The following CDKAL1 variants were observed in gnomAD, a reference collection of about 807,000 sequenced individuals.
CDKAL1 encodes the protein CDKAL1 threonylcarbamoyladenosine tRNA methylthiotransferase.
A neutral mutation model predicts 68.2 loss-of-function variants in CDKAL1; 32 were observed. The observed-to-expected ratio is 0.47, with a 90% CI of 0.35 to 0.63. The LOEUF is 0.63. CDKAL1 is among the 30% of genes least tolerant of loss of function. The pLI, the probability that CDKAL1 is intolerant of heterozygous loss-of-function variation, is 0.00. For missense variants in CDKAL1, 606 were observed against 696.7 expected (o/e 0.87, Z 1.47); for synonymous variants, 234 against 244.3 (o/e 0.96, Z 0.39).
intron 9 of CDKAL1, among the ~76,000 whole-genome samples, chr6:20,863,918 C>T (rs141473241): frequency 0.011 from 1,734 of 152,212 alleles, 35 homozygotes; most frequent in Admixed American, 0.035. Context: ...GCTTTTCAGA[C>T]TTGAAATAAC....
chr6:20,537,886 CCTCTATCA>C (rs1763237625), intron 2 of CDKAL1, among the ~76,000 whole-genome samples: 1 of 47,722 alleles, frequency 2.1e-5, no homozygotes, highest in Non-Finnish European at 3.5e-5. Flanking sequence ...TAAACAATTC[CCTCTATCA>C]GTCTATCAGT....
intron 4 of CDKAL1, among the ~76,000 whole-genome samples, chr6:20,576,895 C>A (rs927426685): frequency 6.6e-6 from 1 of 152,110 alleles, no homozygotes; most frequent in African/African-American, 2.4e-5. Context: ...TTTATTTTCT[C>A]TATATGGCAC....
At chr6:21,066,565 T>C (rs1040901061) in intron 12 of CDKAL1, among the ~76,000 whole-genome samples, 1 of 152,210 alleles carries the variant, frequency 6.6e-6, no homozygotes, top group Non-Finnish European at 1.5e-5. Context: ...AATCAAGATA[T>C]AGAACAATTC....
At chr6:20,764,851 A>G (rs1023609364) in intron 7 of CDKAL1, among the ~76,000 whole-genome samples, 2 of 152,186 alleles carry the variant, frequency 1.3e-5, no homozygotes, top group East Asian at 3.9e-4. Context: ...GAACACTTGT[A>G]TGCATCCTCT....
chr6:20,905,751 A>C (rs1762202625), intron 9 of CDKAL1, among the ~76,000 whole-genome samples: 1 of 152,220 alleles, frequency 6.6e-6, no homozygotes, highest in Non-Finnish European at 1.5e-5. Flanking sequence ...TCTCCTCAGA[A>C]ACCTTGGAGC....
chr6:20,558,672 T>G (rs1764154508), intron 4 of CDKAL1: 1 of 446,030 alleles, frequency 2.2e-6, no homozygotes, highest in African/African-American at 2.0e-5. Flanking sequence ...TCCATGTTGT[T>G]GAGGAAAATA....
rs572648660 is a variant in CDKAL1 at position 20,536,550 on chromosome 6, C to A, written c.-6+1156C>A. Among the ~76,000 whole-genome samples, 7 of 152,162 alleles carry A rather than the reference C, an allele frequency of 4.6e-5. No individual in the cohort carries two copies. The South Asian group carries it at 1.5e-3, about 32-fold the overall frequency. On this transcript the variant is annotated intron_variant, in intron 2 of 15. Transcript: ENST00000274695. ...GTCTAGGTTATGTATATTTGACATA[C>A]ATTCTAGGTGGTTTTTATGAAAGAA... is the stretch of plus-strand genomic sequence containing the variant.
intron 8 of CDKAL1, among the ~76,000 whole-genome samples, chr6:20,838,869 G>A (rs1778063770): frequency 6.6e-6 from 1 of 151,934 alleles, no homozygotes; most frequent in South Asian, 2.1e-4. Context: ...CAGCTACTTG[G>A]GAGGCTGAGG....
At chr6:21,212,838 A>G (rs930207059) in intron 15 of CDKAL1, among the ~76,000 whole-genome samples, 10 of 152,214 alleles carry the variant, frequency 6.6e-5, no homozygotes, top group African/African-American at 2.2e-4. Flanking sequence ...ATGCAATTCT[A>G]TAAAATTATT....
chr6:21,105,965 T>C (rs553710323), intron 12 of CDKAL1, among the ~76,000 whole-genome samples: 135 of 152,322 alleles, frequency 8.9e-4, no homozygotes, highest in African/African-American at 3.0e-3. Context: ...AAGAGAGAAA[T>C]TCTTAAGAAT....
intron 5 of CDKAL1, among the ~76,000 whole-genome samples, chr6:20,652,255 C>T (rs1435052221): frequency 6.6e-6 from 1 of 152,116 alleles, no homozygotes. Flanking sequence ...TAAGTGTTAA[C>T]TATGTGTTCT....
intron 5 of CDKAL1, among the ~76,000 whole-genome samples, chr6:20,655,808 C>G (rs1018272143): frequency 6.6e-5 from 10 of 152,074 alleles, no homozygotes; most frequent in African/African-American, 2.4e-4. Context: ...ACTCTAAGGT[C>G]TCTGGCTAGA....
At chr6:21,090,522 C>G (rs905695160) in intron 12 of CDKAL1, among the ~76,000 whole-genome samples, 1 of 152,186 alleles carries the variant, frequency 6.6e-6, no homozygotes, top group Non-Finnish European at 1.5e-5. Flanking sequence ...TCATAATTCC[C>G]TTTGCTGATA....
At chr6:20,550,577 G>A (rs1461079480) in intron 4 of CDKAL1, among the ~76,000 whole-genome samples, 1 of 152,036 alleles carries the variant, frequency 6.6e-6, no homozygotes, top group Non-Finnish European at 1.5e-5. Flanking sequence ...TTAGAAAAGG[G>A]GATCTGGGCA....
chr6:21,092,176 G>A (rs1773064316), intron 12 of CDKAL1, among the ~76,000 whole-genome samples: 1 of 146,258 alleles, frequency 6.8e-6, no homozygotes, highest in South Asian at 2.2e-4. Context: ...GTGAGCCACT[G>A]CGCCTGGCCA....
intron 15 of CDKAL1, among the ~76,000 whole-genome samples, chr6:21,211,697 TAAG>T (rs1779155639): frequency 6.6e-6 from 1 of 152,206 alleles, no homozygotes; most frequent in African/African-American, 2.4e-5. Context: ...TTTGTTTTAA[TAAG>T]AAGGAGAAGA....
chr6:21,012,043 C>G lies in CDKAL1; in HGVS notation c.1055+11671C>G, dbSNP rs189627472. On this transcript the variant is annotated intron_variant, in intron 11 of 15. Transcript: ENST00000274695. ...TGTCAGAGATGTAGGATTGAACTTT[C>G]ATCTCATGGTCAAAGATGGCTGCTT... Among the ~76,000 whole-genome samples the G allele has an allele frequency of 5.8e-4, 89 of 152,286 alleles. 1 individual carries two copies. The highest frequency in any genetic ancestry group is 2.1e-3 in the African/African-American group (87 of 41,552).
intron 9 of CDKAL1, among the ~76,000 whole-genome samples, chr6:20,950,946 G>T (rs1764494561): frequency 6.6e-6 from 1 of 150,970 alleles, no homozygotes; most frequent in South Asian, 2.1e-4. Context: ...CTCCAGCCTG[G>T]GTGACAGAGT....
At chr6:20,664,247 C>T (rs895787503) in intron 5 of CDKAL1, among the ~76,000 whole-genome samples, 2 of 152,064 alleles carry the variant, frequency 1.3e-5, no homozygotes, top group African/African-American at 2.4e-5. Flanking sequence ...TGTGCTCGCA[C>T]GCTCAATGTA....
Sources: allele counts gnomAD v4.1 joint callset (sites outside exome capture counted in the v4.1 genomes callset), GRCh38; gene constraint gnomAD v4.1.1; transcripts MANE v1.5; gene names NCBI Gene and HGNC (gene_info 2026-07-23, HGNC 2026-07-21).